Variants in EYS observed in about 807,000 individuals in gnomAD.
EYS encodes the protein protein eyes shut homolog.
EYS carries 250 observed loss-of-function variants against 282.1 expected under a neutral mutation model. The ratio of observed to expected loss-of-function variants is 0.89; its 90% CI spans 0.80 to 0.98. The LOEUF is 0.98. Among genes scored for constraint, EYS ranks in the 50% least tolerant of loss-of-function variants. The pLI is 0.00. For synonymous variants in EYS, 1,355 were observed against 1,282.9 expected, an observed-to-expected ratio of 1.06 and a Z score of -1.20; for missense variants, 4,016 against 3,709.0, an observed-to-expected ratio of 1.08 and a Z score of -2.15.
chr6:64,653,786 A>G (rs1477758237), intron 22 of EYS, among the ~76,000 whole-genome samples: 1 of 148,912 alleles, frequency 6.7e-6, no homozygotes, highest in Non-Finnish European at 1.5e-5. Context: ...GCTGATCTCA[A>G]ACTCCTAGGC....
chr6:65,113,405 G>A (rs181989205), intron 12 of EYS, among the ~76,000 whole-genome samples: 3 of 151,648 alleles, frequency 2.0e-5, no homozygotes, highest in Non-Finnish European at 4.4e-5. Context: ...AAAAAAAATT[G>A]TATAGGTTTA....
intron 22 of EYS, among the ~76,000 whole-genome samples, chr6:64,740,226 T>G (rs2149960308): frequency 6.6e-6 from 1 of 152,306 alleles, no homozygotes; most frequent in East Asian, 1.9e-4. Context: ...TGAGCAGTTC[T>G]AATACATTTC....
At chr6:65,462,717 T>C (rs1562199645) in intron 5 of EYS, among the ~76,000 whole-genome samples, 1 of 152,038 alleles carries the variant, frequency 6.6e-6, no homozygotes, top group African/African-American at 2.4e-5. Flanking sequence ...AATTTCATAG[T>C]CATTAAATTT....
At chr6:65,243,133 T>A (rs552474700) in intron 12 of EYS, among the ~76,000 whole-genome samples, 33 of 152,284 alleles carry the variant, frequency 2.2e-4, no homozygotes, top group Non-Finnish European at 3.7e-4. Context: ...GTCAGGCATA[T>A]TTTGATGTGC....
At chr6:65,478,019 A>G (rs974606269) in intron 5 of EYS, among the ~76,000 whole-genome samples, 1 of 152,136 alleles carries the variant, frequency 6.6e-6, no homozygotes, top group Non-Finnish European at 1.5e-5. Context: ...TATTCTCCTG[A>G]TTATCAAACA....
intron 19 of EYS, among the ~76,000 whole-genome samples, chr6:64,870,599 TC>T (rs1037854522): frequency 6.6e-6 from 1 of 151,628 alleles, no homozygotes; most frequent in Non-Finnish European, 1.5e-5. Context: ...AACAGAACCT[TC>T]CTGAATAATA....
chr6:65,610,512 C>T (rs1765960630), intron 2 of EYS, among the ~76,000 whole-genome samples: 1 of 151,938 alleles, frequency 6.6e-6, no homozygotes, highest in Admixed American at 6.6e-5. Context: ...GAACCTTTGT[C>T]AAAAGGTGCA....
At chr6:65,300,729 AAC>A (rs1768796706) in intron 11 of EYS, 2 of 152,318 alleles carry the variant, frequency 1.3e-5, no homozygotes, top group African/African-American at 4.8e-5. Context: ...TTTGTTTAAG[AAC>A]TCTCTAATTC....
intron 12 of EYS, among the ~76,000 whole-genome samples, chr6:65,120,313 C>CT (rs1008561393): frequency 1.3e-5 from 2 of 151,608 alleles, no homozygotes; most frequent in South Asian, 2.1e-4. Flanking sequence ...AAAACAACAC[C>CT]TTTTTTTAAA....
At position 65,538,714 on chromosome 6, in the gene EYS, G is replaced by C. The variant is rs551294766; in HGVS notation, c.-332-42721C>G. On this transcript the variant is annotated intron_variant, in intron 2 of 42. Transcript: ENST00000503581. ...ATATAGTCGCAACAATTCTTTCAAA[G>C]TTTAAGGAGACTTTTTTGTTTGAAA... Among the ~76,000 whole-genome samples, 128 of 152,174 alleles carry C rather than the reference G, an allele frequency of 8.4e-4. 1 individual carries two copies. Among genetic ancestry groups the C allele is most frequent in the African/African-American group, 2.8e-3 (116 of 41,532 alleles).
chr6:64,877,324 C>T (rs191244096), intron 19 of EYS, among the ~76,000 whole-genome samples: 8 of 152,166 alleles, frequency 5.3e-5, no homozygotes, highest in Admixed American at 3.9e-4. Context: ...CCTGAATGAA[C>T]ATGTTAGTAG....
intron 12 of EYS, among the ~76,000 whole-genome samples, chr6:65,293,374 A>G (rs1768579607): frequency 6.6e-6 from 1 of 151,878 alleles, no homozygotes; most frequent in Non-Finnish European, 1.5e-5. Flanking sequence ...AATTATTTCC[A>G]GAGTTAAAAA....
At chr6:64,335,743 A>T (rs942595899) in intron 29 of EYS, among the ~76,000 whole-genome samples, 1 of 152,174 alleles carries the variant, frequency 6.6e-6, no homozygotes, top group African/African-American at 2.4e-5. Flanking sequence ...CAGGTGACCT[A>T]TAAAGGAAAA....
intron 12 of EYS, among the ~76,000 whole-genome samples, chr6:65,260,378 A>G (rs893442997): frequency 1.4e-4 from 21 of 152,084 alleles, no homozygotes; most frequent in African/African-American, 4.3e-4. Flanking sequence ...TGCCTGCTCT[A>G]CTTTACCACA....
At chr6:65,172,258 TG>T (rs1444437471) in intron 12 of EYS, among the ~76,000 whole-genome samples, 1 of 151,526 alleles carries the variant, frequency 6.6e-6, no homozygotes, top group Admixed American at 6.6e-5. Context: ...AGAAAATCTT[TG>T]TCTAGCCTTA....
At chr6:65,067,037 G>A (rs1214871825) in intron 12 of EYS, among the ~76,000 whole-genome samples, 2 of 152,048 alleles carry the variant, frequency 1.3e-5, no homozygotes, top group Non-Finnish European at 2.9e-5. Flanking sequence ...GAGGAAAATG[G>A]CAATATACTT....
intron 26 of EYS, among the ~76,000 whole-genome samples, chr6:64,494,305 G>T (rs1776826994): frequency 6.6e-6 from 1 of 151,514 alleles, no homozygotes; most frequent in African/African-American, 2.4e-5. Flanking sequence ...AAAATTTAAT[G>T]AGTTCATTAC....
intron 13 of EYS, among the ~76,000 whole-genome samples, chr6:65,027,629 C>T (rs1291042276): frequency 3.3e-5 from 5 of 152,162 alleles, no homozygotes; most frequent in African/African-American, 9.7e-5. Context: ...TCTACATTTT[C>T]CTGAATGCTG....
At chr6:64,675,428 CTTTTTT>C (rs56346431) in intron 22 of EYS, among the ~76,000 whole-genome samples, 2 of 114,626 alleles carry the variant, frequency 1.7e-5, no homozygotes, top group African/African-American at 6.8e-5. Flanking sequence ...CTTTTTTTTT[CTTTTTT>C]TTTTTTTTTT....
Sources: allele counts gnomAD v4.1 joint callset (sites outside exome capture counted in the v4.1 genomes callset), GRCh38; gene constraint gnomAD v4.1.1; transcripts MANE v1.5; gene names NCBI Gene and HGNC (gene_info 2026-07-23, HGNC 2026-07-21).